TENM3: variants seen among roughly 807,000 people sequenced by gnomAD.
The protein encoded by TENM3 is teneurin transmembrane protein 3, also known as teneurin-3.
Under a neutral mutation model 255.1 loss-of-function variants are expected in TENM3, and 63 were observed. The ratio of observed to expected loss-of-function variants is 0.25; its 90% CI spans 0.20 to 0.30. TENM3 has a LOEUF of 0.30. Among genes scored for constraint, TENM3 ranks in the 10% least tolerant of loss-of-function variants. The pLI is 1.00. For missense variants in TENM3, 2,929 were observed against 3,461.1 expected (o/e 0.85, Z 3.86); for synonymous variants, 1,306 against 1,322.3 (o/e 0.99, Z 0.27).
the TENM3 span, among the ~76,000 whole-genome samples, chr4:181,799,236 T>C: frequency 1.5e-4 from 23 of 152,374 alleles, no homozygotes; most frequent in African/African-American, 5.0e-4. Context: ...AAGCGAGTGA[T>C]AGCCTGCTGA....
the TENM3 span, among the ~76,000 whole-genome samples, chr4:181,710,323 G>C: frequency 1.3e-5 from 2 of 152,112 alleles, no homozygotes; most frequent in African/African-American, 4.8e-5. Flanking sequence ...AAAGGAGAGA[G>C]TGGGTAAACT....
chr4:181,841,901 T>C, the TENM3 span, among the ~76,000 whole-genome samples: 1 of 152,180 alleles, frequency 6.6e-6, no homozygotes, highest in African/African-American at 2.4e-5. Context: ...CTGGAGCCTA[T>C]TAACTGTTGA....
chr4:182,081,834 A>G, the TENM3 span: 2 of 149,586 alleles, frequency 1.3e-5, no homozygotes, highest in African/African-American at 4.9e-5. Context: ...AACCTAGGCG[A>G]AAAAAAAAAT....
At chr4:181,623,041 CT>C in the TENM3 span, among the ~76,000 whole-genome samples, 2 of 152,022 alleles carry the variant, frequency 1.3e-5, no homozygotes, top group African/African-American at 2.4e-5. Flanking sequence ...CTAATAGTAA[CT>C]TTTCAGACAA....
At chr4:182,490,559 A>G (rs1735197865) in intron 3 of TENM3, among the ~76,000 whole-genome samples, 2 of 152,160 alleles carry the variant, frequency 1.3e-5, no homozygotes, top group Non-Finnish European at 2.9e-5. Context: ...ATTCCAGGGG[A>G]AAAAATGGTT....
chr4:182,299,409 T>C (rs1761712799), intron 1 of TENM3, among the ~76,000 whole-genome samples: 1 of 152,136 alleles, frequency 6.6e-6, no homozygotes, highest in Non-Finnish European at 1.5e-5. Context: ...GCTCCTCTAA[T>C]GGAAGAATAT....
intron 4 of TENM3, among the ~76,000 whole-genome samples, chr4:182,625,490 C>G (rs1048829319): frequency 6.6e-6 from 1 of 152,176 alleles, no homozygotes; most frequent in African/African-American, 2.4e-5. Context: ...CTCCCCACCC[C>G]CCTATTCCTG....
At chr4:182,464,654 C>T (rs375966706) in intron 3 of TENM3, among the ~76,000 whole-genome samples, 3 of 151,962 alleles carry the variant, frequency 2.0e-5, no homozygotes, top group Non-Finnish European at 4.4e-5. Context: ...TAGAAGGTAT[C>T]GATTTAGTAT....
intron 12 of TENM3, among the ~76,000 whole-genome samples, chr4:182,701,210 C>CTTTTTTGTTTTTTTTTTTTTTTTT (rs1757834179): frequency 2.6e-5 from 1 of 38,644 alleles, no homozygotes; most frequent in African/African-American, 1.2e-4. Flanking sequence ...CAACTCTTGA[C>CTTTTTTGTTTTTTTTTTTTTTTTT]TTTTTTTTTT....
At chr4:182,102,712 C>T in the TENM3 span, among the ~76,000 whole-genome samples, 1 of 152,176 alleles carries the variant, frequency 6.6e-6, no homozygotes, top group East Asian at 1.9e-4. Context: ...ATCAGACCAT[C>T]TAGGTCTGAG....
At chr4:182,457,136 G>T (rs1463241607) in intron 3 of TENM3, among the ~76,000 whole-genome samples, 3 of 147,994 alleles carry the variant, frequency 2.0e-5, no homozygotes, top group Non-Finnish European at 4.4e-5. Flanking sequence ...AGTGAGCCGA[G>T]ATTGTGCCAC....
chr4:181,963,182 C>A, the TENM3 span, among the ~76,000 whole-genome samples: 2 of 152,152 alleles, frequency 1.3e-5, no homozygotes, highest in Admixed American at 1.3e-4. Context: ...CAAAAGCTGT[C>A]TCAAACAGAT....
At chr4:181,730,023 G>C in the TENM3 span, among the ~76,000 whole-genome samples, 1 of 152,166 alleles carries the variant, frequency 6.6e-6, no homozygotes, top group African/African-American at 2.4e-5. Flanking sequence ...CTCTCGCGCG[G>C]ACCAAAGGTG....
chr4:182,711,007 G>T (rs1217467730), intron 12 of TENM3, among the ~76,000 whole-genome samples: 1 of 152,122 alleles, frequency 6.6e-6, no homozygotes, highest in Non-Finnish European at 1.5e-5. Context: ...TCTTAGAATA[G>T]TCCCTGTTTC....
chr4:181,839,296 T>C, the TENM3 span, among the ~76,000 whole-genome samples: 1 of 146,632 alleles, frequency 6.8e-6, no homozygotes, highest in Non-Finnish European at 1.5e-5. Context: ...TTAGCTTTTA[T>C]ATCTTCTCTC....
intron 1 of TENM3, among the ~76,000 whole-genome samples, chr4:182,253,311 A>C (rs1385105479): frequency 6.6e-6 from 1 of 152,134 alleles, no homozygotes; most frequent in Non-Finnish European, 1.5e-5. Flanking sequence ...ATCTCTACTA[A>C]AAATACAAAG....
At chr4:181,797,276 G>A in the TENM3 span, among the ~76,000 whole-genome samples, 35 of 151,512 alleles carry the variant, frequency 2.3e-4, no homozygotes, top group East Asian at 1.8e-3. Flanking sequence ...CATGGCTTTC[G>A]GTATTGAACT....
intron 3 of TENM3, among the ~76,000 whole-genome samples, chr4:182,555,112 T>C (rs1341765145): frequency 6.6e-6 from 1 of 152,210 alleles, no homozygotes; most frequent in Non-Finnish European, 1.5e-5. Context: ...TGAAAATGTA[T>C]ATTTAGGAAA....
At chr4:182,019,953 A>G in the TENM3 span, among the ~76,000 whole-genome samples, 1 of 152,006 alleles carries the variant, frequency 6.6e-6, no homozygotes, top group African/African-American at 2.4e-5. Flanking sequence ...GGGATTACAG[A>G]CGTGAGCCAC....
Sources: gnomAD v4.1 joint callset for allele counts (sites outside exome capture counted in the v4.1 genomes callset) on GRCh38, gnomAD v4.1.1 for gene constraint, MANE v1.5 for transcripts, NCBI Gene and HGNC (gene_info 2026-07-23, HGNC 2026-07-21) for gene names.